The following NF1 variants were observed in gnomAD, a reference collection of about 807,000 sequenced individuals.
The protein encoded by NF1 is neurofibromin.
In NF1, 122 loss-of-function variants were observed where a neutral mutation model predicts 325.7. The observed-to-expected ratio is 0.37, with a 90% CI of 0.32 to 0.44. NF1 has a LOEUF of 0.44. Among genes scored for constraint, NF1 ranks in the 20% least tolerant of loss-of-function variants. The pLI is 1.00. For synonymous variants in NF1, 1,091 were observed against 1,186.0 expected, an observed-to-expected ratio of 0.92 and a Z score of 1.65; for missense variants, 2,140 against 3,415.4, an observed-to-expected ratio of 0.63 and a Z score of 9.31.
chr17:31,230,835 T>C lies in NF1; in HGVS notation c.3114-7T>C, dbSNP rs754931967. The stretch of plus-strand genomic sequence containing the variant: ...TTGCTGTTTCTCTTTTCTCCACCAT[T>C]CTATAGGAATAAGATGGTAGAATAC... On this transcript the variant is annotated splice_region_variant and splice_polypyrimidine_tract_variant and intron_variant, in intron 23 of 57. Coordinates refer to ENST00000358273, the MANE Select transcript of NF1 (RefSeq NM_001042492.3). 2 of 1,581,278 alleles carry C rather than the reference T, an allele frequency of 1.3e-6. No individual in the cohort carries two copies. The highest frequency in any genetic ancestry group is 1.7e-6 in the Non-Finnish European group (2 of 1,151,396).
intron 36 of NF1, among the ~76,000 whole-genome samples, chr17:31,309,667 A>G (rs1201628249): frequency 6.6e-6 from 1 of 152,242 alleles, no homozygotes; most frequent in Non-Finnish European, 1.5e-5. Context: ...TAAGGAAACC[A>G]TACGGTTCCT....
chr17:31,139,574 C>G (rs1339434667), intron 1 of NF1, among the ~76,000 whole-genome samples: 1 of 152,146 alleles, frequency 6.6e-6, no homozygotes, highest in Non-Finnish European at 1.5e-5. Flanking sequence ...TAATTGGAAG[C>G]TCATGTGCAT....
chr17:31,302,228 T>C (rs1252817133), intron 36 of NF1, among the ~76,000 whole-genome samples: 1 of 152,174 alleles, frequency 6.6e-6, no homozygotes, highest in African/African-American at 2.4e-5. Context: ...AACCTCCCTT[T>C]AAAAGTACTT....
rs1273060925 is a variant in NF1, at chr17:31,206,336, G to A, written c.1357G>A (p.Gly453Ser). The change falls in exon 12 of 58, where the codon GGT becomes AGT. Residue 453 changes from glycine to serine, a missense_variant. This residue lies in a region of NF1 where 179 missense variants were observed against 381.0 expected (regional missense o/e 0.47). Coordinates refer to ENST00000358273, the MANE Select transcript of NF1 (RefSeq NM_001042492.3). ...TGAAACACTTCATAAAGCAGTGCAA[G>A]GTTGTGGAGCACACCCAGCAATACG... is the stretch of plus-strand genomic sequence containing the variant. The part of the protein sequence containing the change: ...FGETLHKAVQ[G>S]CGAHPAIRMA... 1.2e-6 allele frequency: 2 copies of A among 1,613,698 alleles called. No homozygotes were observed. Among genetic ancestry groups the A allele is most frequent in the Non-Finnish European group, 1.7e-6 (2 of 1,179,778 alleles).
At chr17:31,206,122 GC>G in intron 11 of NF1, 117 bp from the exon 12 acceptor site, 1 of 1,074,018 alleles carries the variant, frequency 9.3e-7, no homozygotes, top group South Asian at 1.3e-5. Flanking sequence ...GTGTGTGTTT[GC>G]ATGGTCTTAG....
At chr17:31,287,973 C>T in intron 36 of NF1, among the ~76,000 whole-genome samples, 1 of 150,304 alleles carries the variant, frequency 6.7e-6, no homozygotes, top group East Asian at 2.0e-4. Flanking sequence ...GGAGATATAC[C>T]TAATGCTAGA....
intron 1 of NF1, among the ~76,000 whole-genome samples, chr17:31,154,007 A>C (rs1917132566): frequency 6.9e-6 from 1 of 145,594 alleles, no homozygotes; most frequent in South Asian, 2.2e-4. Flanking sequence ...TTTCATGTAG[A>C]TATTCATCAG....
At chr17:31,095,438 T>G (rs2143147838) in intron 1 of NF1, 69 bp downstream of exon 1, 4 of 1,370,848 alleles carry the variant, frequency 2.9e-6, no homozygotes, top group Non-Finnish European at 3.9e-6. Context: ...TGAGGGGAGG[T>G]AGGAGCGGCC....
At chr17:31,165,060 GGTAGAAA>G (rs1366860210) in intron 4 of NF1, among the ~76,000 whole-genome samples, 1 of 152,054 alleles carries the variant, frequency 6.6e-6, no homozygotes, top group East Asian at 1.9e-4. Flanking sequence ...TTAAATTAAA[GGTAGAAA>G]GTGGTACAAA....
chr17:31,101,462 A>G (rs1383409549), intron 1 of NF1, among the ~76,000 whole-genome samples: 1 of 152,214 alleles, frequency 6.6e-6, no homozygotes, highest in Non-Finnish European at 1.5e-5. Context: ...CGATGATTTT[A>G]ATATTCTAAC....
intron 54 of NF1, chr17:31,357,646 T>G (rs2070306737): frequency 2.0e-6 from 1 of 489,186 alleles, no homozygotes; most frequent in Non-Finnish European, 3.7e-6. Context: ...AAGCAAACTA[T>G]TAGACTGCTA....
chr17:31,314,044 G>A (rs1339273626), intron 36 of NF1: 2 of 397,932 alleles, frequency 5.0e-6, no homozygotes, highest in Non-Finnish European at 8.9e-6. Flanking sequence ...TGGTGATTTG[G>A]CTAAGAAAGG....
chr17:31,226,498 G>A lies in NF1; in HGVS notation c.2065G>A (p.Val689Met), dbSNP rs771784652. The A allele has an allele frequency of 8.1e-6, 13 of 1,613,916 alleles. No individual in the cohort carries two copies. The highest frequency in any genetic ancestry group is 1.1e-5 in the Non-Finnish European group (13 of 1,179,826). ...ICRQAQTKLEVALYMFLWNPD... is the reference protein window; with the variant it reads ...ICRQAQTKLEMALYMFLWNPD... ...CCGACAAGCCCAGACCAAACTAGAA[G>A]TGGCCCTGTACATGTTTCTGTGGAA... is the stretch of plus-strand genomic sequence containing the variant. Residue 689 changes from valine (V) to methionine (M), a missense_variant, in exon 18 of 58, where the codon GTG becomes ATG. Val to Met is a conservative substitution (Grantham distance 21, BLOSUM62 1). Coordinates refer to ENST00000358273, the MANE Select transcript of NF1 (RefSeq NM_001042492.3).
intron 4 of NF1, among the ~76,000 whole-genome samples, chr17:31,167,231 C>T (rs117572543): frequency 1.3e-4 from 20 of 152,308 alleles, no homozygotes; most frequent in East Asian, 5.8e-4. Flanking sequence ...CATATTTCTA[C>T]GCTCTTTGCA....
rs2151558481 is a variant in NF1 at position 31,338,154 on chromosome 17, C to G, written c.6819+15C>G. The G allele has an allele frequency of 2.0e-6, 3 of 1,510,528 alleles. No homozygotes were observed. Among genetic ancestry groups the G allele is most frequent in the Non-Finnish European group, 1.8e-6 (2 of 1,085,568 alleles). 93.6% of individuals were successfully genotyped at this position (1,510,528 alleles called of 1,614,324 possible). ...TTCTTAGCAAGGTACCTGTTCCGCC[C>G]TCACTTCTCCCAAATATTTATGGTT... is the stretch of plus-strand genomic sequence containing the variant. On this transcript the variant is annotated intron_variant, in intron 45 of 57. Coordinates refer to ENST00000358273, the MANE Select transcript of NF1 (RefSeq NM_001042492.3).
At position 31,111,479 on chromosome 17, in the gene NF1, CAA is replaced by C. The variant is rs978468959; in HGVS notation, c.60+16112_60+16113del. 5.3e-5 allele frequency among the ~76,000 whole-genome samples: 8 copies of C among 151,956 alleles called. No individual in the cohort carries two copies. The East Asian group carries it at 9.6e-4, about 18-fold the overall frequency. On this transcript the variant is annotated intron_variant, in intron 1 of 57. Coordinates refer to ENST00000358273, the MANE Select transcript of NF1 (RefSeq NM_001042492.3). The stretch of plus-strand genomic sequence containing the variant: ...TAATGGAACTGTTGAAAACCAGAAA[CAA>C]AGAGAAACGCTTAAAAGCAGCCAGA...
At chr17:31,106,949 A>G (rs1241829761) in intron 1 of NF1, among the ~76,000 whole-genome samples, 2 of 152,192 alleles carry the variant, frequency 1.3e-5, no homozygotes, top group Non-Finnish European at 2.9e-5. Flanking sequence ...TTATATTCTA[A>G]GAACATTTTA....
rs2070703773 is a variant in NF1 at position 31,374,476 on chromosome 17, A to G, written c.*321A>G. ...ATTGTAAGAGAGGATGAATTCTTGA[A>G]TACTGCTACTACTGGCCAGTGATGA... On this transcript the variant is annotated 3_prime_UTR_variant, in exon 58 of 58. Transcript: ENST00000358273. The G allele has an allele frequency of 2.2e-6, 1 of 459,430 alleles. No individual in the cohort carries two copies. Among genetic ancestry groups the G allele is most frequent in the Non-Finnish European group, 4.0e-6 (1 of 248,204 alleles). 28.5% of individuals were successfully genotyped at this position (459,430 alleles called of 1,614,324 possible).
chr17:31,333,863 A>G (rs2069569625), intron 39 of NF1, among the ~76,000 whole-genome samples: 3 of 152,248 alleles, frequency 2.0e-5, no homozygotes, highest in Admixed American at 6.5e-5. Flanking sequence ...TTTTACCACA[A>G]TTTTAAAAAC....
Sources: allele counts gnomAD v4.1 joint callset (sites outside exome capture counted in the v4.1 genomes callset), GRCh38; gene constraint gnomAD v4.1.1; regional missense constraint gnomAD v4.1.1; transcripts MANE v1.5; gene names NCBI Gene and HGNC (gene_info 2026-07-23, HGNC 2026-07-21).